Variants in RSRC2 observed in about 807,000 individuals in gnomAD.
RSRC2 encodes the protein arginine and serine rich coiled-coil 2.
RSRC2 carries 5 observed loss-of-function variants against 61.3 expected under a neutral mutation model. The ratio of observed to expected loss-of-function variants is 0.08; its 90% CI spans 0.04 to 0.17. RSRC2 has a LOEUF of 0.17. Ranked by LOEUF, RSRC2 falls within the 10% of genes least tolerant of loss-of-function variation. The pLI is 1.00. For missense variants in RSRC2, 381 were observed against 518.8 expected (o/e 0.73, Z 2.58); for synonymous variants, 202 against 166.5 (o/e 1.21, Z -1.64).
In RSRC2 at chr12:122,508,197, AAGC is replaced by A; in HGVS notation, c.1035+18_1035+20del. The A allele has an allele frequency of 6.3e-7, 1 of 1,592,658 alleles. No homozygotes were observed. Among genetic ancestry groups the A allele is most frequent in the Non-Finnish European group, 8.6e-7 (1 of 1,160,470 alleles). On this transcript the variant is annotated intron_variant, in intron 8 of 9. Coordinates refer to ENST00000331738, the MANE Select transcript of RSRC2 (RefSeq NM_023012.6). Reference sequence around the variant, plus strand: ...TACTAATTAGGAATAAACGACAGAAAAGCAGAATAAGAGAACTTACCCCTTCTT... The same window carrying A: ...TACTAATTAGGAATAAACGACAGAAAAGAATAAGAGAACTTACCCCTTCTT...
chr12:122,524,796 T>G (rs1959816703), intron 1 of RSRC2, among the ~76,000 whole-genome samples: 1 of 152,200 alleles, frequency 6.6e-6, no homozygotes, highest in Non-Finnish European at 1.5e-5. Context: ...TTAAAATTGC[T>G]CTGAAATTTT....
rs1349414669 is a variant in RSRC2 at position 122,508,014 on chromosome 12, G to A, written c.1035+204C>T. ...AGACAGGGTTTTGCCATGTTGGCCA[G>A]GCTGGTCTTGGACTCCTTACCTCAA... On this transcript the variant is annotated intron_variant, in intron 8 of 9. Transcript: ENST00000331738. The A allele has an allele frequency of 1.5e-5, 9 of 618,214 alleles. 1 individual carries two copies. In the East Asian group the frequency reaches 2.2e-4, roughly 15 times the overall value. The allele number at this position is 618,214 out of a possible 1,614,324, so 38.3% of individuals were successfully genotyped here. A position where few individuals can be genotyped will look rare whatever the true frequency, so the allele number is the denominator to read the frequency against.
chr12:122,520,384 G>A (rs1003325424), intron 3 of RSRC2: 3 of 590,122 alleles, frequency 5.1e-6, no homozygotes, highest in Non-Finnish European at 8.6e-6. Context: ...AGGTTTTAAA[G>A]TTTATTTCAA....
intron 3 of RSRC2, chr12:122,519,588 A>G (rs1294036689): frequency 1.3e-5 from 2 of 153,954 alleles, no homozygotes. Context: ...TTTCCTCCCA[A>G]TGTCTAAACT....
chr12:122,514,955 A>C, intron 6 of RSRC2, 150 bp downstream of exon 6: 1 of 867,400 alleles, frequency 1.2e-6, no homozygotes, highest in Non-Finnish European at 1.7e-6. Flanking sequence ...GATGAGAATT[A>C]AACTATTTAC....
intron 3 of RSRC2, 66 bp from the exon 4 acceptor site, chr12:122,519,095 A>G (rs1177656114): frequency 2.2e-6 from 3 of 1,335,754 alleles, no homozygotes; most frequent in Admixed American, 1.8e-5. Flanking sequence ...TATGGGTATC[A>G]GTAGACAAAA....
At chr12:122,522,551 C>A in intron 1 of RSRC2, 2 of 295,514 alleles carry the variant, frequency 6.8e-6, no homozygotes, top group African/African-American at 2.2e-5. Context: ...ATTTGTATAA[C>A]TTTTAAAACA....
At chr12:122,510,151 T>G (rs538267232) in intron 7 of RSRC2, among the ~76,000 whole-genome samples, 1 of 152,326 alleles carries the variant, frequency 6.6e-6, no homozygotes, top group East Asian at 1.9e-4. Flanking sequence ...CAATGTTTGT[T>G]ACGCATAAAA....
intron 6 of RSRC2, chr12:122,514,634 A>T: frequency 9.6e-7 from 1 of 1,043,444 alleles, no homozygotes; most frequent in Non-Finnish European, 1.2e-6. Flanking sequence ...AACTTACAAG[A>T]TCAAATAAAT....
chr12:122,513,896 G>C (rs1476695498), intron 6 of RSRC2: 6 of 754,818 alleles, frequency 7.9e-6, no homozygotes, highest in Admixed American at 6.3e-5. Context: ...ACAAAAATTA[G>C]CCAGGCATGC....
At chr12:122,519,469 A>G (rs75205527) in intron 3 of RSRC2, 3,735 of 161,048 alleles carry the variant, frequency 0.023, 138 homozygotes, top group African/African-American at 0.081. Context: ...AAATATAATT[A>G]TTACTAAGTA....
chr12:122,509,390 T>C (rs1419936581), intron 7 of RSRC2, among the ~76,000 whole-genome samples: 1 of 151,658 alleles, frequency 6.6e-6, no homozygotes, highest in East Asian at 1.9e-4. Context: ...GTGGAGGTTG[T>C]TGTGAGTCAG....
Position 122,512,853 on chromosome 12 carries a change from C to T in RSRC2, c.726-1665G>A, listed in dbSNP as rs1364612801. ...CATGGAAGGCATAACATAGACTTGA[C>T]TTTGTCCTTGAGAATAAAAGTTTGT... On this transcript the variant is annotated intron_variant, in intron 6 of 9. Coordinates refer to ENST00000331738, the MANE Select transcript of RSRC2 (RefSeq NM_023012.6). Among the ~76,000 whole-genome samples, 3 of 152,050 alleles carry T rather than the reference C, an allele frequency of 2.0e-5. No homozygotes were observed. The East Asian group carries it at 5.8e-4, about 29-fold the overall frequency.
At chr12:122,511,801 C>T (rs939568470) in intron 6 of RSRC2, among the ~76,000 whole-genome samples, 13 of 136,702 alleles carry the variant, frequency 9.5e-5, no homozygotes, top group African/African-American at 3.3e-4. Context: ...ACAAATTCAT[C>T]CCAAAACAAA....
intron 7 of RSRC2, 147 bp downstream of exon 7, chr12:122,510,962 T>C (rs1005964061): frequency 5.0e-6 from 3 of 600,134 alleles, no homozygotes; most frequent in Admixed American, 3.1e-5. Flanking sequence ...GGTGGGAGGA[T>C]CACTTGAGCC....
At chr12:122,521,342 A>G (rs747787984) in intron 3 of RSRC2, 43 bp downstream of exon 3, 31 of 1,457,604 alleles carry the variant, frequency 2.1e-5, no homozygotes, top group South Asian at 5.7e-5. Flanking sequence ...CAGACACTTT[A>G]TAAGTATTTT....
intron 5 of RSRC2, among the ~76,000 whole-genome samples, chr12:122,515,951 C>T (rs149848101): frequency 0.016 from 2,424 of 152,016 alleles, 63 homozygotes; most frequent in African/African-American, 0.05. Context: ...ATTGTGCCAT[C>T]GCACTCCAGC....
At chr12:122,519,539 T>C (rs1387680094) in intron 3 of RSRC2, 2 of 155,422 alleles carry the variant, frequency 1.3e-5, no homozygotes, top group African/African-American at 4.8e-5. Flanking sequence ...CTTTTACAGT[T>C]ATACTGCCTG....
chr12:122,524,954 T>C (rs900260120), intron 1 of RSRC2, among the ~76,000 whole-genome samples: 4 of 152,208 alleles, frequency 2.6e-5, no homozygotes, highest in Non-Finnish European at 5.9e-5. Flanking sequence ...GCTCGAAACA[T>C]AGACAAATCT....
Sources: allele counts gnomAD v4.1 joint callset (sites outside exome capture counted in the v4.1 genomes callset), GRCh38; gene constraint gnomAD v4.1.1; transcripts MANE v1.5; gene names NCBI Gene and HGNC (gene_info 2026-07-23, HGNC 2026-07-21).